The following LMF1 variants were observed in gnomAD, a reference collection of about 807,000 sequenced individuals.
LMF1 encodes lipase maturation factor 1, also known as transmembrane protein 112.
A neutral mutation model predicts 60.6 loss-of-function variants in LMF1; 68 were observed. The ratio of observed to expected loss-of-function variants is 1.12; its 90% CI spans 0.92 to 1.37. The LOEUF is 1.37. Ranked by LOEUF, LMF1 falls within the 40% of genes most tolerant of loss-of-function variation. LMF1 has a pLI of 0.00. For synonymous variants in LMF1, 418 were observed against 324.7 expected (o/e 1.29, Z -3.09); for missense variants, 948 against 767.2 (o/e 1.24, Z -2.78).
chr16:952,971 C>CG lies in LMF1; in HGVS notation c.503+1385_503+1386insC, dbSNP rs1567308182. Reference sequence around the variant, plus strand: ...CTCCTGCACGTCCACACAGACACCCCAAACCAGCCTCCTACATATCCACAC... The same window carrying CG: ...CTCCTGCACGTCCACACAGACACCCCGAAACCAGCCTCCTACATATCCACAC... On this transcript the variant is annotated intron_variant, in intron 2 of 10. Coordinates refer to ENST00000262301, the MANE Select transcript of LMF1 (RefSeq NM_022773.4). 6.4e-3 allele frequency among the ~76,000 whole-genome samples: 277 copies of CG among 43,508 alleles called. 21 individuals are homozygous for CG. The highest frequency in any genetic ancestry group is 0.02 in the South Asian group (20 of 982). The allele number at this position is 43,508 out of a possible 152,430, so 28.5% of individuals were successfully genotyped here.
chr16:940,213 A>ATTT (rs1456086630), intron 2 of LMF1, among the ~76,000 whole-genome samples: 3 of 152,162 alleles, frequency 2.0e-5, no homozygotes, highest in Non-Finnish European at 4.4e-5. Context: ...GGCCCTGCCG[A>ATTT]CACCCTGATT....
chr16:891,586 C>T (rs1175456039), intron 5 of LMF1, among the ~76,000 whole-genome samples: 1 of 152,168 alleles, frequency 6.6e-6, no homozygotes, highest in African/African-American at 2.4e-5. Context: ...AGGGGTCCAC[C>T]CAGCTTTCCT....
At chr16:865,171 C>T (rs2069578509) in intron 10 of LMF1, among the ~76,000 whole-genome samples, 2 of 152,088 alleles carry the variant, frequency 1.3e-5, no homozygotes, top group Admixed American at 6.5e-5. Context: ...GTCATTTTAC[C>T]ACTTCAAGTT....
At chr16:875,188 C>T (rs2069938008) in intron 6 of LMF1, among the ~76,000 whole-genome samples, 2 of 152,054 alleles carry the variant, frequency 1.3e-5, no homozygotes, top group African/African-American at 2.4e-5. Flanking sequence ...CTCACAGTCC[C>T]AGGTGCAGTG....
upstream of LMF1, among the ~76,000 whole-genome samples, chr16:972,373 G>T (rs1237183421): frequency 2.0e-5 from 3 of 152,258 alleles, no homozygotes; most frequent in Non-Finnish European, 4.4e-5. Flanking sequence ...CGTGGTGTGT[G>T]CCTGAGGGCT....
chr16:871,419 G>A (rs1266802089), intron 6 of LMF1, 78 bp from the exon 7 acceptor site: 2 of 1,440,970 alleles, frequency 1.4e-6, no homozygotes, highest in East Asian at 4.8e-5. Context: ...TCTTCCTGGA[G>A]CAGGGAGGGG....
At chr16:932,659 A>G (rs1458896403) in intron 3 of LMF1, among the ~76,000 whole-genome samples, 1 of 152,218 alleles carries the variant, frequency 6.6e-6, no homozygotes, top group Non-Finnish European at 1.5e-5. Flanking sequence ...CCTGGGCTCA[A>G]GAGGTCCTGC....
chr16:947,719 A>G, intron 2 of LMF1: 1 of 385,082 alleles, frequency 2.6e-6, no homozygotes, highest in South Asian at 1.9e-5. Flanking sequence ...AGCAGCCTGC[A>G]GGGCCACTGC....
chr16:886,476 C>T lies in LMF1; in HGVS notation c.729+6531G>A, dbSNP rs189754847. Among the ~76,000 whole-genome samples the T allele has an allele frequency of 4.4e-3, 663 of 152,076 alleles. 9 individuals are homozygous for T. The highest frequency in any genetic ancestry group is 0.015 in the African/African-American group (627 of 41,426). Reference sequence around the variant, plus strand: ...GGCACGGGCCTGGGGCTTTGAACCGCGCCCGGCCAAAACCACCCTGCAGCG... The same window carrying T: ...GGCACGGGCCTGGGGCTTTGAACCGTGCCCGGCCAAAACCACCCTGCAGCG... On this transcript the variant is annotated intron_variant, in intron 5 of 10. Coordinates refer to ENST00000262301, the MANE Select transcript of LMF1 (RefSeq NM_022773.4).
At chr16:940,828 C>G (rs1453697190) in intron 2 of LMF1, among the ~76,000 whole-genome samples, 1 of 152,192 alleles carries the variant, frequency 6.6e-6, no homozygotes, top group Non-Finnish European at 1.5e-5. Context: ...TAGTGCCGTT[C>G]TGATCTTCTA....
chr16:965,797 G>C (rs1371085221), intron 1 of LMF1, among the ~76,000 whole-genome samples: 2 of 152,194 alleles, frequency 1.3e-5, no homozygotes, highest in African/African-American at 4.8e-5. Flanking sequence ...AGAGGGGAAA[G>C]AAGGGGTAAT....
chr16:957,789 C>T (rs373245919), intron 1 of LMF1, among the ~76,000 whole-genome samples: 1 of 152,150 alleles, frequency 6.6e-6, no homozygotes, highest in South Asian at 2.1e-4. Context: ...CCCCTGCCCC[C>T]GACCCGACAC....
intron 2 of LMF1, among the ~76,000 whole-genome samples, chr16:942,578 T>C (rs573366617): frequency 1.3e-5 from 2 of 151,448 alleles, no homozygotes; most frequent in South Asian, 4.2e-4. Context: ...ATCACACATA[T>C]GTTAGCCCAC....
At chr16:858,337 G>C (rs1223850968) in intron 10 of LMF1, among the ~76,000 whole-genome samples, 2 of 74,644 alleles carry the variant, frequency 2.7e-5, no homozygotes, top group African/African-American at 1.8e-4. Flanking sequence ...GGTGTGAGTG[G>C]TGTCTCGGGA....
chr16:979,581 G>A (rs975922968), intron 1 of LMF1: 3 of 451,974 alleles, frequency 6.6e-6, no homozygotes, highest in Non-Finnish European at 1.3e-5. Flanking sequence ...CCTTCCTCCA[G>A]GGGTGCTGGA....
chr16:857,600 A>T (rs375327036), intron 10 of LMF1, among the ~76,000 whole-genome samples: 64 of 17,390 alleles, frequency 3.7e-3, no homozygotes, highest in Admixed American at 5.2e-3. Context: ...GAGTGGTGTC[A>T]CGGGACGGGT....
At chr16:945,529 A>G (rs1359605947) in intron 2 of LMF1, among the ~76,000 whole-genome samples, 1 of 151,508 alleles carries the variant, frequency 6.6e-6, no homozygotes, top group Non-Finnish European at 1.5e-5. Context: ...CTGTCTCAAA[A>G]AAAAAAGAAA....
chr16:899,398 C>T (rs920728192), intron 4 of LMF1: 1 of 152,338 alleles, frequency 6.6e-6, no homozygotes, highest in African/African-American at 2.4e-5. Flanking sequence ...GCCGATGGGC[C>T]CTGAAAGAAG....
chr16:971,077 C>T, upstream of LMF1: 1 of 1,262,372 alleles, frequency 7.9e-7, no homozygotes, highest in East Asian at 3.1e-5. Flanking sequence ...CTGCCCACGG[C>T]CGAAGGCCCC....
Sources: allele counts gnomAD v4.1 joint callset (sites outside exome capture counted in the v4.1 genomes callset), GRCh38; gene constraint gnomAD v4.1.1; transcripts MANE v1.5; gene names NCBI Gene and HGNC (gene_info 2026-07-23, HGNC 2026-07-21).